ADCY2: variants seen among roughly 807,000 people sequenced by gnomAD.
ADCY2 encodes adenylate cyclase type 2.
Under a neutral mutation model 125.2 loss-of-function variants are expected in ADCY2, and 31 were observed. That is an observed-to-expected ratio of 0.25 (90% confidence interval 0.19 to 0.33). The LOEUF (loss-of-function observed/expected upper bound fraction) is 0.33. Among genes scored for constraint, ADCY2 ranks in the 10% least tolerant of loss-of-function variants. The probability of loss-of-function intolerance (pLI) is 1.00; values close to 1 mark genes in which losing one functional copy is unlikely to be tolerated. For missense variants in ADCY2, 904 were observed against 1,418.2 expected (o/e 0.64, Z 5.82); for synonymous variants, 512 against 548.4 (o/e 0.93, Z 0.93).
chr5:7,640,633 T>G (rs1561139881), intron 4 of ADCY2, among the ~76,000 whole-genome samples: 1 of 152,212 alleles, frequency 6.6e-6, no homozygotes, highest in Non-Finnish European at 1.5e-5. Flanking sequence ...TAAATTAGCA[T>G]TTATGACTAC....
chr5:7,734,219 G>A (rs79256264), intron 14 of ADCY2, among the ~76,000 whole-genome samples: 178 of 152,296 alleles, frequency 1.2e-3, no homozygotes, highest in African/African-American at 4.0e-3. Flanking sequence ...GTCCGTGAAA[G>A]TCATGACATT....
chr5:7,599,658 A>C (rs1737131998), intron 3 of ADCY2, among the ~76,000 whole-genome samples: 1 of 152,122 alleles, frequency 6.6e-6, no homozygotes, highest in Non-Finnish European at 1.5e-5. Context: ...CAACCATGGG[A>C]GCCAACACAG....
At chr5:7,725,020 C>T (rs1741891330) in intron 13 of ADCY2, among the ~76,000 whole-genome samples, 1 of 152,150 alleles carries the variant, frequency 6.6e-6, no homozygotes, top group Non-Finnish European at 1.5e-5. Context: ...ATGAGTTTTA[C>T]ATTCAATGCT....
chr5:7,462,525 T>G (rs2126441553), intron 2 of ADCY2, among the ~76,000 whole-genome samples: 1 of 152,300 alleles, frequency 6.6e-6, no homozygotes, highest in African/African-American at 2.4e-5. Context: ...TATTAAAAAA[T>G]ACAGAGTGTT....
chr5:7,744,876 G>A (rs1742548332), intron 15 of ADCY2, among the ~76,000 whole-genome samples: 1 of 152,206 alleles, frequency 6.6e-6, no homozygotes, highest in Non-Finnish European at 1.5e-5. Flanking sequence ...ACAGACTACA[G>A]TCTAGATATT....
At chr5:7,541,929 A>C (rs532931624) in intron 3 of ADCY2, among the ~76,000 whole-genome samples, 11 of 152,346 alleles carry the variant, frequency 7.2e-5, no homozygotes, top group African/African-American at 2.6e-4. Flanking sequence ...CACGAAATGG[A>C]TGGATAATAA....
intron 4 of ADCY2, among the ~76,000 whole-genome samples, chr5:7,644,448 G>A (rs2126676728): frequency 6.6e-6 from 1 of 152,118 alleles, no homozygotes; most frequent in East Asian, 1.9e-4. Flanking sequence ...ACATTCTCTA[G>A]GACTCTGCAC....
chr5:7,488,552 T>G (rs1159802048), intron 2 of ADCY2, among the ~76,000 whole-genome samples: 2 of 152,188 alleles, frequency 1.3e-5, no homozygotes, highest in African/African-American at 4.8e-5. Context: ...TCAGAACTTC[T>G]GCTTCCATTA....
intron 1 of ADCY2, among the ~76,000 whole-genome samples, chr5:7,397,980 G>C (rs1739125171): frequency 2.0e-5 from 3 of 152,126 alleles, no homozygotes. Flanking sequence ...AAAGGACTTG[G>C]GGAGAGACTT....
At chr5:7,740,017 A>C (rs1262975621) in intron 14 of ADCY2, among the ~76,000 whole-genome samples, 1 of 151,946 alleles carries the variant, frequency 6.6e-6, no homozygotes, top group Non-Finnish European at 1.5e-5. Flanking sequence ...AATATTAACA[A>C]ATTTTATATT....
At chr5:7,688,124 G>T (rs1388063041) in intron 4 of ADCY2, among the ~76,000 whole-genome samples, 1 of 152,168 alleles carries the variant, frequency 6.6e-6, no homozygotes, top group Admixed American at 6.5e-5. Flanking sequence ...CACTGCTTTA[G>T]AAGTTAACAT....
chr5:7,542,042 C>T (rs891482388), intron 3 of ADCY2, among the ~76,000 whole-genome samples: 2 of 152,082 alleles, frequency 1.3e-5, no homozygotes, highest in African/African-American at 4.8e-5. Flanking sequence ...TGTGATCATC[C>T]ACACTCTACA....
intron 4 of ADCY2, among the ~76,000 whole-genome samples, chr5:7,689,605 GC>G (rs1406519394): frequency 6.6e-6 from 1 of 152,070 alleles, no homozygotes; most frequent in Non-Finnish European, 1.5e-5. Context: ...GTTTCCAACA[GC>G]CACCAAAGCG....
chr5:7,555,401 G>T (rs1735475600), intron 3 of ADCY2, among the ~76,000 whole-genome samples: 1 of 152,114 alleles, frequency 6.6e-6, no homozygotes, highest in Non-Finnish European at 1.5e-5. Context: ...TGTGTTTTCG[G>T]GTAGGAATGG....
chr5:7,693,403 G>A (rs1481758199), intron 5 of ADCY2, among the ~76,000 whole-genome samples: 2 of 98,888 alleles, frequency 2.0e-5, no homozygotes, highest in African/African-American at 6.5e-5. Flanking sequence ...ACAATTGCCT[G>A]CTGTTTTTTG....
At chr5:7,434,571 C>T (rs2126383866) in intron 2 of ADCY2, among the ~76,000 whole-genome samples, 1 of 152,294 alleles carries the variant, frequency 6.6e-6, no homozygotes, top group East Asian at 1.9e-4. Context: ...AAGTGTAGGA[C>T]ATATAAACTC....
At chr5:7,825,142 T>TA (rs1402997489) in intron 24 of ADCY2, among the ~76,000 whole-genome samples, 2 of 138,578 alleles carry the variant, frequency 1.4e-5, no homozygotes, top group Non-Finnish European at 3.0e-5. Context: ...CTGTGTCCCA[T>TA]AATAACGCTG....
At chr5:7,421,989 T>C (rs1489779860) in intron 2 of ADCY2, among the ~76,000 whole-genome samples, 2 of 152,208 alleles carry the variant, frequency 1.3e-5, no homozygotes, top group Non-Finnish European at 2.9e-5. Flanking sequence ...AACAGAGTGC[T>C]GTCAAGGCAT....
chr5:7,448,203 C>T (rs1741347093), intron 2 of ADCY2, among the ~76,000 whole-genome samples: 1 of 152,204 alleles, frequency 6.6e-6, no homozygotes, highest in Non-Finnish European at 1.5e-5. Context: ...AGCTCTGGAG[C>T]TCCTTCAATA....
Sources: allele counts gnomAD v4.1 joint callset (sites outside exome capture counted in the v4.1 genomes callset), GRCh38; gene constraint gnomAD v4.1.1; transcripts MANE v1.5; gene names NCBI Gene and HGNC (gene_info 2026-07-23, HGNC 2026-07-21).